The following MSANTD2 variants were observed in gnomAD, a reference collection of about 807,000 sequenced individuals.
MSANTD2 encodes myb/SANT-like DNA-binding domain-containing protein 2.
A neutral mutation model predicts 52.6 loss-of-function variants in MSANTD2; 19 were observed. That is an observed-to-expected ratio of 0.36 (90% CI 0.25 to 0.53). The LOEUF is 0.53. MSANTD2 is among the 20% of genes least tolerant of loss of function. The pLI, the probability that MSANTD2 is intolerant of heterozygous loss-of-function variation, is 0.91. For synonymous variants in MSANTD2, 291 were observed against 289.7 expected (o/e 1.00, Z -0.04); for missense variants, 558 against 716.3 (o/e 0.78, Z 2.52).
In MSANTD2 at chr11:124,767,166, A is replaced by T; in HGVS notation, c.*10T>A. The T allele has an allele frequency of 6.3e-7, 1 of 1,580,442 alleles. No homozygotes were observed. The highest frequency in any genetic ancestry group is 8.6e-7 in the Non-Finnish European group (1 of 1,166,096). On this transcript the variant is annotated 3_prime_UTR_variant, in exon 4 of 4. Transcript: ENST00000374979. The surrounding 1 kb of genome is among the most constrained non-coding windows in gnomAD (Gnocchi z 6.5). ...GAGCTAAGAGCCCAAATCCTTATGA[A>T]GGATGACATTCAGTTGTTAAATTTT...
chr11:124,773,771 C>T (rs1243015284), intron 2 of MSANTD2, among the ~76,000 whole-genome samples: 1 of 152,100 alleles, frequency 6.6e-6, no homozygotes, highest in Non-Finnish European at 1.5e-5. Flanking sequence ...AAAAACAGAG[C>T]CCATGGACTT....
At chr11:124,798,424 T>C (rs1945566576) in intron 1 of MSANTD2, among the ~76,000 whole-genome samples, 2 of 151,984 alleles carry the variant, frequency 1.3e-5, no homozygotes, top group South Asian at 2.1e-4. Context: ...ATAGAACAAA[T>C]GAGATTCAGA....
intron 1 of MSANTD2, among the ~76,000 whole-genome samples, chr11:124,794,063 C>G (rs946337454): frequency 6.6e-6 from 1 of 152,200 alleles, no homozygotes; most frequent in Non-Finnish European, 1.5e-5. Flanking sequence ...CAATGCCACA[C>G]ATTTTAAGGG....
intron 1 of MSANTD2, among the ~76,000 whole-genome samples, chr11:124,785,655 T>C (rs1945134466): frequency 6.6e-6 from 1 of 151,876 alleles, no homozygotes; most frequent in Non-Finnish European, 1.5e-5. Flanking sequence ...TCTGAAGAAA[T>C]CAACCAGAAG....
chr11:124,772,978 T>C lies in MSANTD2; in HGVS notation c.827+16A>G, dbSNP rs1390800158. The C allele has an allele frequency of 6.6e-7, 1 of 1,505,110 alleles. No individual in the cohort carries two copies. Among genetic ancestry groups the C allele is most frequent in the Non-Finnish European group, 9.2e-7 (1 of 1,081,514 alleles). 93.2% of individuals were successfully genotyped at this position (1,505,110 alleles called of 1,614,324 possible). On this transcript the variant is annotated intron_variant, in intron 3 of 3. Coordinates refer to ENST00000374979, the MANE Select transcript of MSANTD2 (RefSeq NM_001308027.2). ...TAGGCAGACACACTTTCTGGAAAGGTGAAGCATCTACTTACTGTGCTTCTT... is the reference window on the plus strand; with the variant it reads ...TAGGCAGACACACTTTCTGGAAAGGCGAAGCATCTACTTACTGTGCTTCTT...
intron 1 of MSANTD2, among the ~76,000 whole-genome samples, chr11:124,794,981 C>A (rs1425060624): frequency 1.3e-5 from 2 of 152,154 alleles, no homozygotes; most frequent in African/African-American, 4.8e-5. Flanking sequence ...CAACCTCAAG[C>A]GATCCTCCCG....
Position 124,794,889 on chromosome 11 carries a change from T to C in MSANTD2, c.510+4982A>G, listed in dbSNP as rs554164781. 2.2e-4 allele frequency among the ~76,000 whole-genome samples: 33 copies of C among 152,286 alleles called. No individual in the cohort carries two copies. In the South Asian group the frequency reaches 6.6e-3, roughly 31 times the overall value. On this transcript the variant is annotated intron_variant, in intron 1 of 3. Transcript: ENST00000374979. The stretch of plus-strand genomic sequence containing the variant: ...TCTTTTATCTTTTATTTATTATTTA[T>C]TTATTTTGAGACAGGGTCTCACTCT...
chr11:124,778,546 C>G lies in MSANTD2; in HGVS notation c.511-3572G>C, dbSNP rs116566079. Among the ~76,000 whole-genome samples the G allele has an allele frequency of 2.0e-3, 299 of 152,180 alleles. 1 individual carries two copies. The highest frequency in any genetic ancestry group is 7.0e-3 in the African/African-American group (289 of 41,504). On this transcript the variant is annotated intron_variant, in intron 1 of 3. Transcript: ENST00000374979. ...TAGAGGTCAGGAGGAGTCAGGAAAA[C>G]CTGGACTGAAGAACTAAAGCATAGG...
chr11:124,768,952 C>CTGGAAGATTGGTTCGT (rs1232151105), intron 3 of MSANTD2, among the ~76,000 whole-genome samples: 6 of 152,312 alleles, frequency 3.9e-5, no homozygotes, highest in Non-Finnish European at 8.8e-5. Flanking sequence ...AACTTTGATA[C>CTGGAAGATTGGTTCGT]TGGAAGATTG....
At chr11:124,768,219 C>T (rs1039161434) in intron 3 of MSANTD2, among the ~76,000 whole-genome samples, 191 bp from the exon 4 acceptor site, 3 of 152,180 alleles carry the variant, frequency 2.0e-5, no homozygotes, top group Non-Finnish European at 2.9e-5. Context: ...CCACATGTGA[C>T]TAGCAGCTAC....
At chr11:124,773,139 C>T (rs960961225) in intron 2 of MSANTD2, 85 bp from the exon 3 acceptor site, 1 of 751,122 alleles carries the variant, frequency 1.3e-6, no homozygotes, top group African/African-American at 1.8e-5. Flanking sequence ...GTTTACTGAT[C>T]ATTCCATACT....
chr11:124,767,203 A>T lies in MSANTD2; in HGVS notation c.1653T>A (p.Ile551=), dbSNP rs1166674944. The T allele has an allele frequency of 1.2e-6, 2 of 1,610,502 alleles. No individual in the cohort carries two copies. The highest frequency in any genetic ancestry group is 4.5e-5 in the East Asian group (2 of 44,876). The stretch of plus-strand genomic sequence containing the variant: ...AGTTGTTAAATTTTAAGGGGTATCC[A>T]ATGGCTTTTTCCAGGCACTCAACTA... ...GSLVECLEKA[I]GYPLKFNN is the part of the protein sequence containing the mutation. Residue 551 remains isoleucine (I), a synonymous_variant, in exon 4 of 4, where the codon ATT becomes ATA. Transcript: ENST00000374979. The surrounding 1 kb of genome is among the most constrained non-coding windows in gnomAD (Gnocchi z 6.5).
chr11:124,773,338 G>C (rs998744061), intron 2 of MSANTD2: 2 of 237,096 alleles, frequency 8.4e-6, no homozygotes, highest in African/African-American at 4.5e-5. Flanking sequence ...CTGCAGACAT[G>C]ATTTTAAAAG....
chr11:124,793,124 A>AT (rs1945383497), intron 1 of MSANTD2, among the ~76,000 whole-genome samples: 1 of 152,220 alleles, frequency 6.6e-6, no homozygotes, highest in Admixed American at 6.5e-5. Flanking sequence ...CCTCTTATTT[A>AT]TATTGTTTAA....
In MSANTD2 at chr11:124,774,656, G is replaced by A; in HGVS notation, c.766+63C>T. ...ATATTTACAGGTAATAAGTACTGGT[G>A]CACATACATAAAGGTATATAAATAT... On this transcript the variant is annotated intron_variant, in intron 2 of 3. Transcript: ENST00000374979. The surrounding 1 kb of genome is among the most constrained non-coding windows in gnomAD (Gnocchi z 5.1). The A allele has an allele frequency of 2.0e-6, 3 of 1,493,614 alleles. No individual in the cohort carries two copies. In the South Asian group the frequency reaches 3.6e-5, roughly 18 times the overall value. 92.5% of individuals were successfully genotyped at this position (1,493,614 alleles called of 1,614,324 possible). A position where few individuals can be genotyped will look rare whatever the true frequency, so the allele number is the denominator to read the frequency against.
Position 124,800,322 on chromosome 11 carries a change from A to G in MSANTD2, c.59T>C (p.Met20Thr), listed in dbSNP as rs1945658965. 2 of 1,562,854 alleles carry G rather than the reference A, an allele frequency of 1.3e-6. No homozygotes were observed. The highest frequency in any genetic ancestry group is 1.7e-6 in the Non-Finnish European group (2 of 1,157,298). ...PANSPLKIPK[M>T]EVLSPASPGG... ...AGGAGAAGCCGGGGAAAGCACCTCC[A>G]TCTTCGGAATTTTTAGCGGCGAGTT... The change falls in exon 1 of 4, where the codon ATG (methionine) becomes ACG (threonine). Residue 20 changes from methionine to threonine, a missense_variant. Physicochemically the swap from Met to Thr is moderately conservative, Grantham distance 81. Around this residue, in one of 2 missense-constraint regions of MSANTD2, gnomAD observed 150 missense variants for 142.7 expected, o/e 1.05. Coordinates refer to ENST00000374979, the MANE Select transcript of MSANTD2 (RefSeq NM_001308027.2). The surrounding 1 kb of genome is among the most constrained non-coding windows in gnomAD (Gnocchi z 4.3).
rs372222392 is a variant in MSANTD2 at position 124,794,117 on chromosome 11, GTAGA to G, written c.510+5750_510+5753del. Among the ~76,000 whole-genome samples, 25 of 152,302 alleles carry G rather than the reference GTAGA, an allele frequency of 1.6e-4. 1 individual carries two copies. The East Asian group carries it at 4.2e-3, about 26-fold the overall frequency. ...CCAGTGGCTATCATACTGAACTGAG[GTAGA>G]TAGAGAATATTTCCATCATCACAAA... On this transcript the variant is annotated intron_variant, in intron 1 of 3. Coordinates refer to ENST00000374979, the MANE Select transcript of MSANTD2 (RefSeq NM_001308027.2).
Position 124,767,706 on chromosome 11 carries a change from T to G in MSANTD2, c.1150A>C (p.Arg384=). The change falls in exon 4 of 4, where the codon AGG becomes CGG. Residue 384 remains arginine (R), a synonymous_variant. Coordinates refer to ENST00000374979, the MANE Select transcript of MSANTD2 (RefSeq NM_001308027.2). This position sits in a 1 kb window ranked among gnomAD's most constrained non-coding sequence, Gnocchi z 6.5. ...ATTTCCATGTGCAGCTCCAAGCACCTAGCTTCGCTAATAGTGATCTCTAAA... is the reference window on the plus strand; with the variant it reads ...ATTTCCATGTGCAGCTCCAAGCACCGAGCTTCGCTAATAGTGATCTCTAAA... ...KFLEITISEA[R]CLELHMEIDW... is the part of the protein sequence containing the mutation. The G allele has an allele frequency of 6.2e-7, 1 of 1,614,260 alleles. No individual in the cohort carries two copies. Among genetic ancestry groups the G allele is most frequent in the South Asian group, 1.1e-5 (1 of 91,090 alleles).
Position 124,768,021 on chromosome 11 carries a change from C to T in MSANTD2, c.835G>A (p.Asp279Asn). Reference sequence around the variant, plus strand: ...ATCTGTACAATATTCTGCATGATGTCTCTCTTCCTGGAAAGACAAATAAAA... The same window carrying T: ...ATCTGTACAATATTCTGCATGATGTTTCTCTTCCTGGAAAGACAAATAAAA... ...QESSEEAQKRDIMQNIVQILE... is the reference protein window; with the variant it reads ...QESSEEAQKRNIMQNIVQILE... Residue 279 changes from aspartate to asparagine, a missense_variant, in exon 4 of 4, where the codon GAC (aspartate) becomes AAC (asparagine). Transcript: ENST00000374979. The T allele has an allele frequency of 6.3e-7, 1 of 1,598,630 alleles. No individual in the cohort carries two copies. The highest frequency in any genetic ancestry group is 8.6e-7 in the Non-Finnish European group (1 of 1,169,358).
Sources: gnomAD v4.1 joint callset for allele counts (sites outside exome capture counted in the v4.1 genomes callset) on GRCh38, gnomAD v4.1.1 for gene constraint, gnomAD v4.1.1 regional missense constraint, Gnocchi (gnomAD v3.1) non-coding constraint, MANE v1.5 for transcripts, NCBI Gene and HGNC (gene_info 2026-07-23, HGNC 2026-07-21) for gene names.